The following MBD2 variants were observed in gnomAD, a reference collection of about 807,000 sequenced individuals.
MBD2 encodes the protein methyl-CpG-binding domain protein 2.
In MBD2, 9 loss-of-function variants were observed where a neutral mutation model predicts 39.3. The observed-to-expected ratio is 0.23, with a 90% CI of 0.14 to 0.40. The LOEUF (loss-of-function observed/expected upper bound fraction) is 0.40. Among genes scored for constraint, MBD2 ranks in the 10% least tolerant of loss-of-function variants. MBD2 has a pLI of 1.00. For synonymous variants in MBD2, 233 were observed against 211.1 expected, an observed-to-expected ratio of 1.10 and a Z score of -0.90; for missense variants, 458 against 532.6, an observed-to-expected ratio of 0.86 and a Z score of 1.38.
At chr18:54,193,035 T>C (rs1432030988) in intron 2 of MBD2, among the ~76,000 whole-genome samples, 1 of 152,252 alleles carries the variant, frequency 6.6e-6, no homozygotes, top group Non-Finnish European at 1.5e-5. Context: ...TTTAATTTAT[T>C]ATTCTAAAAC....
At chr18:54,158,413 T>C (rs1256879899) in intron 6 of MBD2, among the ~76,000 whole-genome samples, 3 of 152,102 alleles carry the variant, frequency 2.0e-5, no homozygotes, top group African/African-American at 7.2e-5. Context: ...TCCCTCCCTC[T>C]GTTTTGGCTT....
At chr18:54,202,994 G>T (rs200544678) in intron 2 of MBD2, 56 of 1,046,354 alleles carry the variant, frequency 5.4e-5, no homozygotes, top group Non-Finnish European at 7.6e-5. Context: ...GAGTTCACCA[G>T]ATGAAGGGGA....
intron 3 of MBD2, among the ~76,000 whole-genome samples, chr18:54,187,277 C>T (rs1396790384): frequency 6.6e-6 from 1 of 152,134 alleles, no homozygotes; most frequent in Non-Finnish European, 1.5e-5. Flanking sequence ...AAATTTCCAA[C>T]GTGGAATGAT....
In MBD2 at chr18:54,224,287, G is replaced by T. The variant is rs1294017140; in HGVS notation, c.273C>A (p.Gly91=). 4.2e-6 allele frequency: 4 copies of T among 943,150 alleles called. No homozygotes were observed. Among genetic ancestry groups the T allele is most frequent in the Admixed American group, 6.4e-5 (1 of 15,694 alleles). The allele number at this position is 943,150 out of a possible 1,614,324, so 58.4% of individuals were successfully genotyped here. The part of the protein sequence containing the change: ...GRGRGRGRGR[G]RGRGRPPSGG... ...CACTCGGGGGACGGCCGCGGCCCCG[G>T]CCCCGGCCCCGTCCCCGTCCCCGGC... Residue 91 remains glycine (G), a synonymous_variant, in exon 1 of 7, where the codon GGC becomes GGA. Coordinates refer to ENST00000256429, the MANE Select transcript of MBD2 (RefSeq NM_003927.5).
chr18:54,199,312 A>G (rs1328676054), intron 2 of MBD2, among the ~76,000 whole-genome samples: 5 of 152,084 alleles, frequency 3.3e-5, no homozygotes, highest in African/African-American at 1.2e-4. Context: ...ATCCTCCCTG[A>G]TCTCTAACAA....
rs372388501 is a variant in MBD2 at position 54,198,109 on chromosome 18, C to G, written c.702+6889G>C. On this transcript the variant is annotated intron_variant, in intron 2 of 6. Transcript: ENST00000256429. The stretch of plus-strand genomic sequence containing the variant: ...TGGAGGAATCCTACGAAGGTAGAAG[C>G]CAAGAGGCAGTTCTTACCACACTAT... Among the ~76,000 whole-genome samples the G allele has an allele frequency of 1.7e-4, 26 of 152,324 alleles. No individual in the cohort carries two copies. The East Asian group carries it at 4.4e-3, about 26-fold the overall frequency.
chr18:54,169,684 T>A (rs1228382102), intron 3 of MBD2, among the ~76,000 whole-genome samples: 3 of 152,212 alleles, frequency 2.0e-5, no homozygotes, highest in Non-Finnish European at 2.9e-5. Flanking sequence ...CTGTCATAAA[T>A]CCTAAACTAC....
intron 6 of MBD2, among the ~76,000 whole-genome samples, chr18:54,156,777 C>T (rs949473962): frequency 5.9e-5 from 9 of 151,850 alleles, no homozygotes; most frequent in Admixed American, 1.3e-4. Flanking sequence ...CGCTTGAACC[C>T]GGGAGGCAGA....
intron 1 of MBD2, among the ~76,000 whole-genome samples, chr18:54,215,659 C>G (rs1599111275): frequency 6.6e-6 from 1 of 151,918 alleles, no homozygotes; most frequent in East Asian, 1.9e-4. Flanking sequence ...CCACGCCCAT[C>G]TAATTTTTGT....
chr18:54,224,228 C>T lies in MBD2; in HGVS notation c.332G>A (p.Cys111Tyr). The stretch of plus-strand genomic sequence containing the variant: ...GCCGCCACCGCTGCCGCCGCCGCCG[C>T]AGCCGCCGCCGTCGCCGCCAAGGCC... ...GSGLGGDGGG[C>Y]GGGGSGGGGA... is the part of the protein sequence containing the mutation. Residue 111 changes from cysteine to tyrosine, a missense_variant, in exon 1 of 7, where the codon TGC (cysteine) becomes TAC (tyrosine). Cys to Tyr is a radical substitution (Grantham distance 194). Coordinates refer to ENST00000256429, the MANE Select transcript of MBD2 (RefSeq NM_003927.5). 9.6e-7 allele frequency: 1 copy of T among 1,042,718 alleles called. No individual in the cohort carries two copies. The highest frequency in any genetic ancestry group is 1.2e-6 in the Non-Finnish European group (1 of 868,446). 64.6% of individuals were successfully genotyped at this position (1,042,718 alleles called of 1,614,324 possible).
intron 3 of MBD2, among the ~76,000 whole-genome samples, chr18:54,184,179 C>G (rs1291097972): frequency 6.6e-6 from 1 of 151,970 alleles, no homozygotes; most frequent in African/African-American, 2.4e-5. Context: ...GAAAAAGAGT[C>G]CCCAACCCCC....
chr18:54,198,097 C>T (rs533942943), intron 2 of MBD2, among the ~76,000 whole-genome samples: 20 of 152,318 alleles, frequency 1.3e-4, no homozygotes, highest in Admixed American at 3.3e-4. Flanking sequence ...AGGAATCCTA[C>T]GAAGGTAGAA....
intron 2 of MBD2, among the ~76,000 whole-genome samples, chr18:54,200,706 T>C (rs1275698382): frequency 6.6e-5 from 10 of 152,190 alleles, no homozygotes; most frequent in Admixed American, 5.9e-4. Context: ...CAAAGCTTAT[T>C]TGCATATTGA....
chr18:54,215,415 C>CA (rs937690014), intron 1 of MBD2, among the ~76,000 whole-genome samples: 14 of 150,596 alleles, frequency 9.3e-5, no homozygotes, highest in African/African-American at 3.4e-4. Context: ...TACAGCAAAA[C>CA]AAAAAATAAA....
At chr18:54,209,297 CAAAAAAAAAAAA>C (rs34165824) in intron 1 of MBD2, among the ~76,000 whole-genome samples, 4 of 67,628 alleles carry the variant, frequency 5.9e-5, no homozygotes, top group Admixed American at 1.7e-4. Flanking sequence ...ACTCCATCTC[CAAAAAAAAAAAA>C]AAAAAAAAAA....
At position 54,159,859 on chromosome 18, in the gene MBD2, T is replaced by C; in HGVS notation, c.1154A>G (p.Glu385Gly). Residue 385 changes from glutamate (E) to glycine (G), a missense_variant, in exon 6 of 7, where the codon GAA becomes GGA. Coordinates refer to ENST00000256429, the MANE Select transcript of MBD2 (RefSeq NM_003927.5). ...RVQQVRKKLE[E>G]ALMADILSRA... ...CGACAAGATGTCTGCCATCAGTGCT[T>C]CTTCCAATTTCTTGCGTACTTGCTG... 6.2e-7 allele frequency: 1 copy of C among 1,612,932 alleles called. No homozygotes were observed. The highest frequency in any genetic ancestry group is 8.5e-7 in the Non-Finnish European group (1 of 1,180,014).
intron 6 of MBD2, among the ~76,000 whole-genome samples, chr18:54,156,866 A>T (rs1049019958): frequency 1.3e-5 from 2 of 151,226 alleles, no homozygotes; most frequent in African/African-American, 2.4e-5. Context: ...AAATAATAAT[A>T]AAAAAAAAGG....
intron 3 of MBD2, among the ~76,000 whole-genome samples, chr18:54,166,849 C>T (rs1400077638): frequency 2.0e-5 from 3 of 152,134 alleles, no homozygotes; most frequent in Non-Finnish European, 4.4e-5. Context: ...GCTATGGAGC[C>T]TTTTGCTTAT....
intron 2 of MBD2, among the ~76,000 whole-genome samples, chr18:54,200,501 CTTT>C (rs1424442294): frequency 1.3e-5 from 2 of 152,192 alleles, no homozygotes; most frequent in Non-Finnish European, 2.9e-5. Flanking sequence ...CTGTACTCTT[CTTT>C]ATCCAATCCT....
Sources: allele counts gnomAD v4.1 joint callset (sites outside exome capture counted in the v4.1 genomes callset), GRCh38; gene constraint gnomAD v4.1.1; transcripts MANE v1.5; gene names NCBI Gene and HGNC (gene_info 2026-07-23, HGNC 2026-07-21).